The following COL28A1 variants were observed in gnomAD, a reference collection of about 807,000 sequenced individuals.
COL28A1 encodes the protein collagen type XXVIII alpha 1 chain, also known as collagen alpha-1(XXVIII) chain.
A neutral mutation model predicts 150.2 loss-of-function variants in COL28A1; 161 were observed. The observed-to-expected ratio is 1.07, with a 90% CI of 0.94 to 1.22. The LOEUF is 1.22. Ranked by LOEUF, COL28A1 falls within the 50% of genes most tolerant of loss-of-function variation. The probability of loss-of-function intolerance (pLI) is 0.00; values close to 1 mark genes in which losing one functional copy is unlikely to be tolerated. For synonymous variants in COL28A1, 552 were observed against 469.7 expected, an observed-to-expected ratio of 1.18 and a Z score of -2.26; for missense variants, 1,617 against 1,388.3, an observed-to-expected ratio of 1.16 and a Z score of -2.62.
intron 15 of COL28A1, among the ~76,000 whole-genome samples, chr7:7,465,591 G>A (rs1367231360): frequency 1.5e-5 from 2 of 135,844 alleles, no homozygotes; most frequent in African/African-American, 5.5e-5. Context: ...CTCGAACTGG[G>A]TGGAGCCCAC....
chr7:7,531,630 A>G lies in COL28A1; in HGVS notation c.399T>C (p.Ser133=). ...SMNLIGQGTF[S]YYAISNATRL... ...TAGTGGCATTGGAAATGGCATAATA[A>G]GAGAAGGTACCTTGCCCTATTAAAT... The change falls in exon 3 of 35, where the codon TCT becomes TCC. Residue 133 remains serine (S), a synonymous_variant. Coordinates refer to ENST00000399429, the MANE Select transcript of COL28A1 (RefSeq NM_001037763.3). 2 of 1,605,814 alleles carry G rather than the reference A, an allele frequency of 1.2e-6. No individual in the cohort carries two copies. The highest frequency in any genetic ancestry group is 2.2e-5 in the South Asian group (2 of 90,924).
intron 20 of COL28A1, among the ~76,000 whole-genome samples, chr7:7,443,196 G>C (rs1179596290): frequency 6.6e-6 from 1 of 152,114 alleles, no homozygotes; most frequent in Non-Finnish European, 1.5e-5. Context: ...TTTATGCCAA[G>C]TTGTGAAGTG....
intron 13 of COL28A1, among the ~76,000 whole-genome samples, chr7:7,477,621 T>C (rs1201775442): frequency 1.3e-5 from 2 of 152,198 alleles, no homozygotes; most frequent in East Asian, 3.9e-4. Context: ...GTTTCTTCTT[T>C]CTGGTGGGTT....
At chr7:7,359,938 T>A in intron 34 of COL28A1, among the ~76,000 whole-genome samples, 1 of 152,314 alleles carries the variant, frequency 6.6e-6, no homozygotes, top group East Asian at 1.9e-4. Context: ...ATAATACATT[T>A]TCTATAGATA....
At chr7:7,391,485 T>C (rs2128294231) in intron 27 of COL28A1, among the ~76,000 whole-genome samples, 1 of 152,342 alleles carries the variant, frequency 6.6e-6, no homozygotes, top group South Asian at 2.1e-4. Context: ...TGTAGATGTC[T>C]ATTAGGTCCA....
chr7:7,488,078 A>T lies in COL28A1; in HGVS notation c.1164+1311T>A, dbSNP rs544544694. On this transcript the variant is annotated intron_variant, in intron 13 of 34. Coordinates refer to ENST00000399429, the MANE Select transcript of COL28A1 (RefSeq NM_001037763.3). ...TGACTTCAAGTTATAAAGAACTCTC[A>T]TGTCAACCCGCAAAATCATAAGGAA... is the stretch of plus-strand genomic sequence containing the variant. Among the ~76,000 whole-genome samples, 11 of 152,290 alleles carry T rather than the reference A, an allele frequency of 7.2e-5. No individual in the cohort carries two copies. In the South Asian group the frequency reaches 2.3e-3, roughly 32 times the overall value.
intron 27 of COL28A1, among the ~76,000 whole-genome samples, chr7:7,393,262 C>T (rs921094480): frequency 6.6e-6 from 1 of 152,180 alleles, no homozygotes; most frequent in African/African-American, 2.4e-5. Flanking sequence ...CACTCCAGAC[C>T]CTGTTTGCCT....
intron 26 of COL28A1, among the ~76,000 whole-genome samples, chr7:7,418,482 G>C (rs1465330447): frequency 6.6e-6 from 1 of 152,194 alleles, no homozygotes; most frequent in Non-Finnish European, 1.5e-5. Flanking sequence ...CTTCGTGGTG[G>C]AATAAGATTG....
chr7:7,461,150 C>T (rs978270874), intron 15 of COL28A1, among the ~76,000 whole-genome samples: 1 of 152,094 alleles, frequency 6.6e-6, no homozygotes, highest in Non-Finnish European at 1.5e-5. Flanking sequence ...CACTGGGGAA[C>T]CTGAAGGTCT....
intron 7 of COL28A1, among the ~76,000 whole-genome samples, chr7:7,516,592 T>G (rs1368906096): frequency 6.6e-6 from 1 of 152,206 alleles, no homozygotes; most frequent in Non-Finnish European, 1.5e-5. Context: ...CAAATGGGAT[T>G]TTTTTGTCTT....
At chr7:7,421,184 A>G (rs1039042739) in intron 25 of COL28A1, among the ~76,000 whole-genome samples, 1 of 152,232 alleles carries the variant, frequency 6.6e-6, no homozygotes, top group Non-Finnish European at 1.5e-5. Context: ...ATGAACCTCA[A>G]AAACATTATT....
intron 27 of COL28A1, among the ~76,000 whole-genome samples, chr7:7,411,648 G>A (rs1315618593): frequency 2.0e-5 from 3 of 152,086 alleles, no homozygotes; most frequent in Non-Finnish European, 2.9e-5. Context: ...GCTTTGCTAT[G>A]GACATGAATG....
intron 11 of COL28A1, among the ~76,000 whole-genome samples, chr7:7,502,495 C>T (rs1780588253): frequency 6.6e-6 from 1 of 152,092 alleles, no homozygotes; most frequent in Middle Eastern, 3.2e-3. Context: ...CCTAAAGCAA[C>T]AGAAAGTGAG....
At chr7:7,513,735 A>C (rs886948608) in intron 8 of COL28A1, among the ~76,000 whole-genome samples, 1 of 152,234 alleles carries the variant, frequency 6.6e-6, no homozygotes, top group Non-Finnish European at 1.5e-5. Flanking sequence ...TACAATTCAC[A>C]TTCCATTTGT....
chr7:7,372,141 T>G lies in COL28A1; in HGVS notation c.2908+857A>C, dbSNP rs187197029. Among the ~76,000 whole-genome samples the G allele has an allele frequency of 4.8e-3, 732 of 152,224 alleles. 6 individuals are homozygous for G. The highest frequency in any genetic ancestry group is 0.017 in the African/African-American group (703 of 41,530). On this transcript the variant is annotated intron_variant, in intron 32 of 34. Coordinates refer to ENST00000399429, the MANE Select transcript of COL28A1 (RefSeq NM_001037763.3). ...TTGGCTGGGCACGGTGGCTCATGCC[T>G]GTAATCCCAGCACTTTGGGAGGCCG...
At chr7:7,415,920 A>G (rs143933036) in intron 27 of COL28A1, among the ~76,000 whole-genome samples, 46 of 152,276 alleles carry the variant, frequency 3.0e-4, no homozygotes, top group African/African-American at 1.1e-3. Context: ...CTCATGCCTC[A>G]GCCTCCTGAG....
intron 15 of COL28A1, among the ~76,000 whole-genome samples, chr7:7,472,982 A>C (rs1022322533): frequency 3.3e-5 from 5 of 152,214 alleles, no homozygotes; most frequent in African/African-American, 4.8e-5. Flanking sequence ...CATATGTAGA[A>C]GAATAAAACC....
intron 27 of COL28A1, among the ~76,000 whole-genome samples, chr7:7,398,498 A>G (rs1219734496): frequency 1.3e-5 from 2 of 152,224 alleles, no homozygotes; most frequent in Admixed American, 1.3e-4. Context: ...TTTCTATCCA[A>G]TTCACAGAAT....
chr7:7,490,380 T>A (rs1779849985), intron 12 of COL28A1, among the ~76,000 whole-genome samples, 198 bp downstream of exon 12: 1 of 152,148 alleles, frequency 6.6e-6, no homozygotes, highest in African/African-American at 2.4e-5. Flanking sequence ...CCAACAAAAT[T>A]AAAAAATACG....
Sources: gnomAD v4.1 joint callset for allele counts (sites outside exome capture counted in the v4.1 genomes callset) on GRCh38, gnomAD v4.1.1 for gene constraint, MANE v1.5 for transcripts, NCBI Gene and HGNC (gene_info 2026-07-23, HGNC 2026-07-21) for gene names.